SENP7: variants seen among roughly 807,000 people sequenced by gnomAD.
SENP7 encodes the protein sentrin-specific protease 7.
SENP7 carries 64 observed loss-of-function variants against 141.2 expected under a neutral mutation model. The ratio of observed to expected loss-of-function variants is 0.45; its 90% CI spans 0.37 to 0.56. The LOEUF (loss-of-function observed/expected upper bound fraction) is 0.56. SENP7 is among the 20% of genes least tolerant of loss of function. SENP7 has a pLI of 0.00. For missense variants in SENP7, 1,025 were observed against 1,212.2 expected (o/e 0.85, Z 2.29); for synonymous variants, 382 against 426.4 (o/e 0.90, Z 1.28).
intron 16 of SENP7, among the ~76,000 whole-genome samples, chr3:101,338,783 G>C (rs1047913330): frequency 6.6e-6 from 1 of 152,166 alleles, no homozygotes; most frequent in Non-Finnish European, 1.5e-5. Context: ...TGGAAACTTC[G>C]TAATTCCTGA....
chr3:101,504,997 C>T (rs980812832), intron 1 of SENP7, among the ~76,000 whole-genome samples: 3 of 151,742 alleles, frequency 2.0e-5, no homozygotes, highest in Non-Finnish European at 4.4e-5. Context: ...CCCAGGAGGT[C>T]GAGGCTGCAG....
chr3:101,485,046 T>G (rs2064668806), intron 3 of SENP7, among the ~76,000 whole-genome samples: 1 of 151,624 alleles, frequency 6.6e-6, no homozygotes, highest in African/African-American at 2.4e-5. Flanking sequence ...TCCTCCTAGG[T>G]ACCCAACTCC....
At chr3:101,333,351 CTGG>C (rs2059104932) in intron 17 of SENP7, 1 of 152,864 alleles carries the variant, frequency 6.5e-6, no homozygotes. Context: ...CAACACTAGC[CTGG>C]GCAACATAGC....
chr3:101,410,376 T>G (rs1186034081), intron 5 of SENP7, among the ~76,000 whole-genome samples: 2 of 152,152 alleles, frequency 1.3e-5, no homozygotes, highest in East Asian at 3.9e-4. Context: ...CGGAGATTCC[T>G]TAAAGAACTA....
chr3:101,365,470 T>C (rs1436663866), intron 9 of SENP7, among the ~76,000 whole-genome samples: 3 of 151,108 alleles, frequency 2.0e-5, no homozygotes. Context: ...ACCCTGTCTC[T>C]AGCAAAAATA....
At chr3:101,364,614 T>G (rs981084046) in intron 10 of SENP7, among the ~76,000 whole-genome samples, 2 of 152,188 alleles carry the variant, frequency 1.3e-5, no homozygotes, top group African/African-American at 2.4e-5. Context: ...CTATTCAGAC[T>G]GAAAAATATA....
intron 12 of SENP7, among the ~76,000 whole-genome samples, chr3:101,351,146 A>T (rs1012361574): frequency 7.9e-5 from 12 of 151,932 alleles, no homozygotes; most frequent in Non-Finnish European, 1.6e-4. Context: ...TTTATTCTGA[A>T]AGGTTTTCAG....
At chr3:101,480,926 C>T (rs1056784421) in intron 3 of SENP7, among the ~76,000 whole-genome samples, 2 of 150,522 alleles carry the variant, frequency 1.3e-5, no homozygotes, top group Non-Finnish European at 3.0e-5. Context: ...AATGAGATAT[C>T]GTCTTATCCC....
At chr3:101,369,274 T>A (rs921413904) in intron 7 of SENP7, among the ~76,000 whole-genome samples, 2 of 152,206 alleles carry the variant, frequency 1.3e-5, no homozygotes, top group African/African-American at 4.8e-5. Context: ...GCAGTTGCCT[T>A]TAATTCACAA....
At chr3:101,432,385 C>G (rs2062215133) in intron 4 of SENP7, among the ~76,000 whole-genome samples, 1 of 152,208 alleles carries the variant, frequency 6.6e-6, no homozygotes, top group African/African-American at 2.4e-5. Context: ...AAGGGAAGAA[C>G]ACAGGCCTGG....
Position 101,351,636 on chromosome 3 carries a change from T to C in SENP7, c.1639A>G (p.Ile547Val), listed in dbSNP as rs750380135. 4 of 1,354,456 alleles carry C rather than the reference T, an allele frequency of 3.0e-6. No homozygotes were observed. Among genetic ancestry groups the C allele is most frequent in the Admixed American group, 5.7e-5 (2 of 35,018 alleles). The allele number at this position is 1,354,456 out of a possible 1,614,324, so 83.9% of individuals were successfully genotyped here. A position where few individuals can be genotyped will look rare whatever the true frequency, so the allele number is the denominator to read the frequency against. Residue 547 changes from isoleucine to valine, a missense_variant, in exon 12 of 24, where the codon ATT becomes GTT. This residue lies in a region of SENP7 where 228 missense variants were observed against 228.5 expected (regional missense o/e 1.00). Transcript: ENST00000394095. ...KGCVTITKKY[I>V]KIPFQVSLNE... ...AACTTACCTTGAAATGGGATCTTAA[T>C]ATATTTTTTTGTGATCTGAAGAAAA...
In SENP7 at chr3:101,505,795, A is replaced by G. The variant is rs760448732; in HGVS notation, c.41-4676T>C. Among the ~76,000 whole-genome samples the G allele has an allele frequency of 4.2e-4, 64 of 152,178 alleles. 1 individual carries two copies. The highest frequency in any genetic ancestry group is 1.3e-4 in the Admixed American group (2 of 15,270). On this transcript the variant is annotated intron_variant, in intron 1 of 23. Coordinates refer to ENST00000394095, the MANE Select transcript of SENP7 (RefSeq NM_020654.5). ...TCTGCCTTTTTAATCGTTCAGATTA[A>G]AGCATGATAGTCCATATTAAGGCAT...
In SENP7 at chr3:101,462,401, C is replaced by T. The variant is rs137966895; in HGVS notation, c.187-3349G>A. Reference sequence around the variant, plus strand: ...TACTAAAAATACAAAATTAGCCAGGCGTGGTGGCACATGCCTATAATCCCA... The same window carrying T: ...TACTAAAAATACAAAATTAGCCAGGTGTGGTGGCACATGCCTATAATCCCA... On this transcript the variant is annotated intron_variant, in intron 3 of 23. Transcript: ENST00000394095. 5.3e-5 allele frequency among the ~76,000 whole-genome samples: 8 copies of T among 151,916 alleles called. No individual in the cohort carries two copies. The East Asian group carries it at 1.6e-3, about 29-fold the overall frequency.
intron 1 of SENP7, among the ~76,000 whole-genome samples, chr3:101,505,081 G>GA (rs1175721275): frequency 1.1e-4 from 16 of 150,260 alleles, no homozygotes; most frequent in Admixed American, 2.6e-4. Context: ...AAAGAAAAAA[G>GA]AAAAAAAAAG....
chr3:101,378,123 T>C (rs2060387716), intron 6 of SENP7, among the ~76,000 whole-genome samples: 1 of 151,704 alleles, frequency 6.6e-6, no homozygotes, highest in Admixed American at 6.6e-5. Flanking sequence ...TTTACAGTAG[T>C]TGCTTTTATC....
At chr3:101,473,966 C>T (rs920304710) in intron 3 of SENP7, among the ~76,000 whole-genome samples, 16 of 152,164 alleles carry the variant, frequency 1.1e-4, no homozygotes, top group African/African-American at 3.9e-4. Context: ...ACCAGTTATC[C>T]CAGCACCATT....
At chr3:101,497,177 G>A (rs79181492) in intron 2 of SENP7, among the ~76,000 whole-genome samples, 26,564 of 152,096 alleles carry the variant, frequency 0.17, 2,942 homozygotes, top group Non-Finnish European at 0.24. Flanking sequence ...GTGTTGGACC[G>A]GAATCAGAAG....
intron 4 of SENP7, among the ~76,000 whole-genome samples, chr3:101,449,612 C>T (rs2063041742): frequency 6.6e-6 from 1 of 152,086 alleles, no homozygotes; most frequent in South Asian, 2.1e-4. Flanking sequence ...TCATATCCAG[C>T]CAAACTAAGC....
At chr3:101,459,082 TAAAC>T (rs779628180) in intron 3 of SENP7, 30 bp from the exon 4 acceptor site, 1 of 1,287,938 alleles carries the variant, frequency 7.8e-7, no homozygotes, top group Non-Finnish European at 1.1e-6. Flanking sequence ...ATTTTAATAA[TAAAC>T]ATATCAATAT....
Sources: gnomAD v4.1 joint callset for allele counts (sites outside exome capture counted in the v4.1 genomes callset) on GRCh38, gnomAD v4.1.1 for gene constraint, gnomAD v4.1.1 regional missense constraint, MANE v1.5 for transcripts, NCBI Gene and HGNC (gene_info 2026-07-23, HGNC 2026-07-21) for gene names.